The following ANKFN1 variants were observed in gnomAD, a reference collection of about 807,000 sequenced individuals.
ANKFN1 encodes ankyrin repeat and fibronectin type-III domain-containing protein 1.
In ANKFN1, 74 loss-of-function variants were observed where a neutral mutation model predicts 108.7. That is an observed-to-expected ratio of 0.68 (90% CI 0.56 to 0.83). The LOEUF is 0.83. Among genes scored for constraint, ANKFN1 ranks in the 40% least tolerant of loss-of-function variants. ANKFN1 has a pLI of 0.00. For synonymous variants in ANKFN1, 547 were observed against 516.2 expected (o/e 1.06, Z -0.81); for missense variants, 1,505 against 1,382.3 (o/e 1.09, Z -1.41).
intron 4 of ANKFN1, among the ~76,000 whole-genome samples, chr17:56,147,076 A>G (rs561160166): frequency 6.6e-6 from 1 of 152,284 alleles, no homozygotes; most frequent in African/African-American, 2.4e-5. Context: ...CTAAAGTATA[A>G]CAAGAGTTGC....
intron 1 of ANKFN1, among the ~76,000 whole-genome samples, chr17:56,177,301 C>A (rs1158592245): frequency 6.6e-6 from 1 of 152,252 alleles, no homozygotes; most frequent in East Asian, 1.9e-4. Flanking sequence ...CCTCAGGCCA[C>A]TGTGTGCATG....
intron 1 of ANKFN1, among the ~76,000 whole-genome samples, chr17:56,197,618 C>T (rs1184871189): frequency 1.3e-5 from 2 of 152,166 alleles, no homozygotes; most frequent in African/African-American, 2.4e-5. Context: ...TTCCAATGGT[C>T]TTCTAACTAA....
chr17:56,502,048 G>C (rs2051389002), intron 20 of ANKFN1, among the ~76,000 whole-genome samples: 1 of 152,128 alleles, frequency 6.6e-6, no homozygotes, highest in Non-Finnish European at 1.5e-5. Context: ...GAAGAAGGAG[G>C]GAAGGTAGTA....
At chr17:56,418,103 A>G (rs962392648) in intron 8 of ANKFN1, among the ~76,000 whole-genome samples, 3 of 152,200 alleles carry the variant, frequency 2.0e-5, no homozygotes, top group Non-Finnish European at 2.9e-5. Context: ...TTATTTGATC[A>G]TAATTATTAA....
chr17:56,204,115 C>T lies in ANKFN1; in HGVS notation c.-70-8483C>T, dbSNP rs144872394. On this transcript the variant is annotated intron_variant, in intron 1 of 20. Transcript: ENST00000682825. ...AGGCTGAAGTGCAATGGCACGATCT[C>T]GGCTCACCGCAACCTCTGTCTCCTG... is the stretch of plus-strand genomic sequence containing the variant. Among the ~76,000 whole-genome samples, 557 of 152,266 alleles carry T rather than the reference C, an allele frequency of 3.7e-3. 5 individuals carry two copies. Among genetic ancestry groups the T allele is most frequent in the African/African-American group, 0.013 (533 of 41,564 alleles).
At chr17:56,235,469 G>A (rs1212291529) in intron 3 of ANKFN1, among the ~76,000 whole-genome samples, 1 of 152,076 alleles carries the variant, frequency 6.6e-6, no homozygotes, top group African/African-American at 2.4e-5. Context: ...TTGTCTTCCA[G>A]AGTTTTTATA....
At chr17:56,162,761 C>T (rs577550018) in intron 1 of ANKFN1, among the ~76,000 whole-genome samples, 3 of 152,116 alleles carry the variant, frequency 2.0e-5, no homozygotes, top group Non-Finnish European at 4.4e-5. Flanking sequence ...ATCAGCCAGG[C>T]GCAGTGACTC....
At chr17:56,288,886 C>T (rs1047863200) in intron 3 of ANKFN1, among the ~76,000 whole-genome samples, 3 of 152,180 alleles carry the variant, frequency 2.0e-5, no homozygotes, top group Non-Finnish European at 4.4e-5. Flanking sequence ...ATACGTGCTC[C>T]TGGGTCATTG....
intron 4 of ANKFN1, among the ~76,000 whole-genome samples, chr17:56,094,009 T>G (rs35553420): frequency 0.4 from 60,854 of 150,866 alleles, 14,305 homozygotes; most frequent in South Asian, 0.5. Flanking sequence ...AAGGAGAAAT[T>G]TGGACAGGTA....
At chr17:56,080,806 T>C (rs1212136937) in intron 4 of ANKFN1, among the ~76,000 whole-genome samples, 1 of 152,250 alleles carries the variant, frequency 6.6e-6, no homozygotes, top group Non-Finnish European at 1.5e-5. Flanking sequence ...GTGTGTGTTT[T>C]GGAAAATGCA....
rs138814491 is a variant in ANKFN1 at position 56,244,215 on chromosome 17, A to G, written c.53+16258A>G. Among the ~76,000 whole-genome samples, 494 of 152,270 alleles carry G rather than the reference A, an allele frequency of 3.2e-3. 2 individuals carry two copies. Among genetic ancestry groups the G allele is most frequent in the African/African-American group, 0.011 (469 of 41,570 alleles). ...ATTTCAAAAATATGTATCAACATGTACTATTTGTCAGACACTGTGCTAGGT... is the reference window on the plus strand; with the variant it reads ...ATTTCAAAAATATGTATCAACATGTGCTATTTGTCAGACACTGTGCTAGGT... On this transcript the variant is annotated intron_variant, in intron 3 of 20. Transcript: ENST00000682825.
intron 19 of ANKFN1, among the ~76,000 whole-genome samples, chr17:56,497,424 G>T (rs553806958): frequency 1.3e-5 from 2 of 152,106 alleles, no homozygotes; most frequent in South Asian, 4.1e-4. Flanking sequence ...AGGGGAAAAC[G>T]GCTGTAAGAC....
intron 3 of ANKFN1, among the ~76,000 whole-genome samples, chr17:56,319,356 G>A (rs149464947): frequency 6.6e-6 from 1 of 152,160 alleles, no homozygotes; most frequent in African/African-American, 2.4e-5. Context: ...AAATCCTAGA[G>A]TATTAACTAT....
At chr17:56,364,796 C>A (rs1245313535) in intron 6 of ANKFN1, among the ~76,000 whole-genome samples, 2 of 152,182 alleles carry the variant, frequency 1.3e-5, no homozygotes, top group Non-Finnish European at 2.9e-5. Flanking sequence ...AGCCCCATGT[C>A]TGGGTGTAAT....
chr17:56,438,149 C>T (rs1029161786), intron 8 of ANKFN1, among the ~76,000 whole-genome samples: 1 of 151,994 alleles, frequency 6.6e-6, no homozygotes, highest in Non-Finnish European at 1.5e-5. Context: ...AGATACATAG[C>T]GTAAAACATA....
chr17:56,222,964 G>A (rs1032481939), intron 2 of ANKFN1, among the ~76,000 whole-genome samples: 2 of 152,174 alleles, frequency 1.3e-5, no homozygotes, highest in Admixed American at 6.5e-5. Context: ...CAACCTAAAT[G>A]TCTATGAATA....
At chr17:56,258,507 C>G (rs1267920074) in intron 3 of ANKFN1, 1 of 152,166 alleles carries the variant, frequency 6.6e-6, no homozygotes, top group Non-Finnish European at 1.5e-5. Flanking sequence ...GCACCTGGAG[C>G]CTGTTTACCA....
At chr17:56,380,728 G>A (rs569115776) in intron 8 of ANKFN1, among the ~76,000 whole-genome samples, 8 of 152,276 alleles carry the variant, frequency 5.3e-5, no homozygotes, top group African/African-American at 1.2e-4. Context: ...CAGCGAGGCC[G>A]GGGGAGGGGC....
At chr17:56,166,051 C>T (rs1910104482) in intron 1 of ANKFN1, among the ~76,000 whole-genome samples, 1 of 152,124 alleles carries the variant, frequency 6.6e-6, no homozygotes, top group Non-Finnish European at 1.5e-5. Context: ...GCAGAGCTTC[C>T]CTCTCACCTA....
Sources: allele counts gnomAD v4.1 joint callset (sites outside exome capture counted in the v4.1 genomes callset), GRCh38; gene constraint gnomAD v4.1.1; transcripts MANE v1.5; gene names NCBI Gene and HGNC (gene_info 2026-07-23, HGNC 2026-07-21).